Variants in ATXN2 observed in about 807,000 individuals in gnomAD.
ATXN2 encodes the protein ataxin 2, also known as ataxin-2.
Under a neutral mutation model 138.6 loss-of-function variants are expected in ATXN2, and 37 were observed. The observed-to-expected ratio is 0.27, with a 90% CI of 0.21 to 0.35. The LOEUF is 0.35. Among genes scored for constraint, ATXN2 ranks in the 10% least tolerant of loss-of-function variants. The pLI is 1.00. For missense variants in ATXN2, 1,216 were observed against 1,480.3 expected (o/e 0.82, Z 2.93); for synonymous variants, 549 against 543.7 (o/e 1.01, Z -0.13).
intron 1 of ATXN2, among the ~76,000 whole-genome samples, chr12:111,566,585 G>A (rs1204771001): frequency 6.6e-6 from 1 of 151,748 alleles, no homozygotes; most frequent in Non-Finnish European, 1.5e-5. Context: ...CCATGAGCAT[G>A]GGAGGAGGTT....
intron 15 of ATXN2, among the ~76,000 whole-genome samples, 180 bp from the exon 16 acceptor site, chr12:111,487,004 A>G (rs546994791): frequency 3.5e-4 from 54 of 152,332 alleles, no homozygotes; most frequent in African/African-American, 1.3e-3. Flanking sequence ...AATCCCTTAA[A>G]GAATACAGCC....
chr12:111,571,305 C>G (rs1300079736), intron 1 of ATXN2, among the ~76,000 whole-genome samples: 1 of 152,148 alleles, frequency 6.6e-6, no homozygotes, highest in Non-Finnish European at 1.5e-5. Flanking sequence ...GAAAAAGTAA[C>G]TTTAGGCATT....
chr12:111,545,510 G>A (rs1881757171), intron 5 of ATXN2, among the ~76,000 whole-genome samples: 2 of 152,102 alleles, frequency 1.3e-5, no homozygotes, highest in South Asian at 4.1e-4. Context: ...GCTGCAGTGA[G>A]CTGAAATCAC....
intron 1 of ATXN2, among the ~76,000 whole-genome samples, chr12:111,572,189 C>G (rs1311714507): frequency 4.6e-5 from 7 of 151,996 alleles, no homozygotes; most frequent in Non-Finnish European, 8.8e-5. Context: ...CACCTGAGGT[C>G]AGGAGTTCGA....
chr12:111,564,432 ATTT>A (rs1275903097), intron 1 of ATXN2, among the ~76,000 whole-genome samples: 1 of 151,896 alleles, frequency 6.6e-6, no homozygotes, highest in African/African-American at 2.4e-5. Flanking sequence ...GCTAAGAATG[ATTT>A]TTATGTTCCT....
intron 14 of ATXN2, among the ~76,000 whole-genome samples, chr12:111,505,419 G>C (rs1396842479): frequency 1.3e-5 from 2 of 152,054 alleles, no homozygotes; most frequent in Admixed American, 6.6e-5. Context: ...ACAACCAACA[G>C]AACAGGAGAA....
intron 1 of ATXN2, among the ~76,000 whole-genome samples, chr12:111,572,028 G>C (rs1275315762): frequency 8.0e-6 from 1 of 124,426 alleles, no homozygotes; most frequent in Non-Finnish European, 1.7e-5. Flanking sequence ...AAAAAAAAAG[G>C]GGCTTTTAAA....
chr12:111,571,368 T>C (rs1205574525), intron 1 of ATXN2, among the ~76,000 whole-genome samples: 1 of 152,360 alleles, frequency 6.6e-6, no homozygotes, highest in South Asian at 2.1e-4. Context: ...TTGTAATTTA[T>C]AGTAAGCTAC....
chr12:111,588,966 G>A (rs1884489335), intron 1 of ATXN2, among the ~76,000 whole-genome samples: 1 of 120,258 alleles, frequency 8.3e-6, no homozygotes, highest in Non-Finnish European at 1.6e-5. Flanking sequence ...CCGCACTCTA[G>A]CCTGGGCGAC....
intron 1 of ATXN2, among the ~76,000 whole-genome samples, chr12:111,574,040 G>A (rs1416140950): frequency 6.6e-5 from 10 of 150,894 alleles, no homozygotes; most frequent in Non-Finnish European, 5.9e-5. Context: ...ACTTCCGGCC[G>A]GGTGCGGTGA....
intron 1 of ATXN2, among the ~76,000 whole-genome samples, chr12:111,584,777 C>T (rs1884233904): frequency 2.0e-5 from 3 of 151,760 alleles, no homozygotes; most frequent in South Asian, 4.2e-4. Context: ...ACCAGCCTGA[C>T]CAACATGGAG....
chr12:111,587,092 A>AT lies in ATXN2; in HGVS notation c.251+11691_251+11692insA, dbSNP rs1436718392. On this transcript the variant is annotated intron_variant, in intron 1 of 24. Coordinates refer to ENST00000673436, the MANE Select transcript of ATXN2 (RefSeq NM_001372574.1). ...TTCTACCAAAAAAAAAAAAAAAAAA[A>AT]AGAACTCCCCTTTCTAAAATCTGCT... Among the ~76,000 whole-genome samples, 5 of 150,466 alleles carry AT rather than the reference A, an allele frequency of 3.3e-5. No homozygotes were observed. In the East Asian group the frequency reaches 9.7e-4, roughly 29 times the overall value.
At chr12:111,555,752 T>C in intron 2 of ATXN2, 131 bp downstream of exon 2, 1 of 718,076 alleles carries the variant, frequency 1.4e-6, no homozygotes, top group Non-Finnish European at 2.3e-6. Flanking sequence ...GCTAATAACA[T>C]ACTTAAACAG....
At chr12:111,563,270 C>T (rs1261081827) in intron 1 of ATXN2, among the ~76,000 whole-genome samples, 1 of 151,752 alleles carries the variant, frequency 6.6e-6, no homozygotes, top group African/African-American at 2.4e-5. Context: ...GGAGTAAATA[C>T]GTATATTCCA....
chr12:111,531,045 G>C (rs1880802067), intron 5 of ATXN2, among the ~76,000 whole-genome samples: 1 of 150,174 alleles, frequency 6.7e-6, no homozygotes, highest in Non-Finnish European at 1.5e-5. Flanking sequence ...TTGAACCTGG[G>C]AGGCAGAGGC....
chr12:111,471,287 A>C (rs889147956), intron 18 of ATXN2: 1 of 154,324 alleles, frequency 6.5e-6, no homozygotes, highest in Non-Finnish European at 1.4e-5. Context: ...TTCTTTTAAA[A>C]GATTACTTTA....
At chr12:111,513,629 A>C in intron 10 of ATXN2, 90 bp from the exon 11 acceptor site, 1 of 1,085,082 alleles carries the variant, frequency 9.2e-7, no homozygotes, top group Non-Finnish European at 1.3e-6. Context: ...ACACACATGC[A>C]CACACACTCA....
In ATXN2 at chr12:111,520,873, C is replaced by G; in HGVS notation, c.788+9G>C. On this transcript the variant is annotated intron_variant, in intron 7 of 24. Coordinates refer to ENST00000673436, the MANE Select transcript of ATXN2 (RefSeq NM_001372574.1). ...TGCACTAAAATAAAAACAAACTTTTCAAACTTACGTATACGAAGATAAACT... is the reference window on the plus strand; with the variant it reads ...TGCACTAAAATAAAAACAAACTTTTGAAACTTACGTATACGAAGATAAACT... 1 of 1,504,622 alleles carries G rather than the reference C, an allele frequency of 6.6e-7. No homozygotes were observed. Among genetic ancestry groups the G allele is most frequent in the Non-Finnish European group, 9.0e-7 (1 of 1,112,772 alleles). 93.2% of individuals were successfully genotyped at this position (1,504,622 alleles called of 1,614,324 possible).
chr12:111,492,668 C>T (rs1878120250), intron 14 of ATXN2, among the ~76,000 whole-genome samples: 2 of 150,020 alleles, frequency 1.3e-5, no homozygotes. Context: ...GGCGACAGAG[C>T]GAGACTCTGT....
Sources: gnomAD v4.1 joint callset for allele counts (sites outside exome capture counted in the v4.1 genomes callset) on GRCh38, gnomAD v4.1.1 for gene constraint, MANE v1.5 for transcripts, NCBI Gene and HGNC (gene_info 2026-07-23, HGNC 2026-07-21) for gene names.